MORC1: variants seen among roughly 807,000 people sequenced by gnomAD.
The protein encoded by MORC1 is MORC family CW-type zinc finger protein 1.
In MORC1, 59 loss-of-function variants were observed where a neutral mutation model predicts 134.9. The observed-to-expected ratio is 0.44, with a 90% CI of 0.35 to 0.54. The LOEUF is 0.54. Ranked by LOEUF, MORC1 falls within the 20% of genes least tolerant of loss-of-function variation. The pLI is 0.00. For synonymous variants in MORC1, 395 were observed against 391.7 expected, an observed-to-expected ratio of 1.01 and a Z score of -0.10; for missense variants, 947 against 1,134.5, an observed-to-expected ratio of 0.83 and a Z score of 2.37.
intron 26 of MORC1, among the ~76,000 whole-genome samples, chr3:108,968,493 C>T (rs375866301): frequency 2.6e-4 from 39 of 152,314 alleles, no homozygotes; most frequent in African/African-American, 9.4e-4. Flanking sequence ...TGGGAATTTA[C>T]TTCACCATTC....
intron 8 of MORC1, among the ~76,000 whole-genome samples, chr3:109,092,314 C>T (rs1293316635): frequency 3.3e-5 from 5 of 152,090 alleles, no homozygotes; most frequent in Non-Finnish European, 7.4e-5. Context: ...CATACAACAG[C>T]AATAAGGAGA....
intron 4 of MORC1, among the ~76,000 whole-genome samples, chr3:109,101,284 T>C (rs964683807): frequency 1.3e-5 from 2 of 152,192 alleles, no homozygotes; most frequent in Non-Finnish European, 2.9e-5. Context: ...ACCAGGCCCA[T>C]GTGAGACTAA....
chr3:109,061,738 C>T (rs779704790), intron 11 of MORC1, among the ~76,000 whole-genome samples: 2 of 152,118 alleles, frequency 1.3e-5, no homozygotes, highest in Non-Finnish European at 2.9e-5. Context: ...TGCTGTTCCC[C>T]ACCATTTCAA....
At chr3:109,074,289 C>T (rs910775932) in intron 8 of MORC1, among the ~76,000 whole-genome samples, 2 of 152,092 alleles carry the variant, frequency 1.3e-5, no homozygotes, top group Non-Finnish European at 2.9e-5. Flanking sequence ...GCATGGCATG[C>T]CTTTTTTACT....
chr3:109,027,141 T>TA (rs925647268), intron 17 of MORC1, among the ~76,000 whole-genome samples: 5 of 152,214 alleles, frequency 3.3e-5, no homozygotes, highest in African/African-American at 1.2e-4. Context: ...GCTTCACATT[T>TA]AAAAAATGAT....
intron 8 of MORC1, among the ~76,000 whole-genome samples, chr3:109,091,699 T>C (rs1007115569): frequency 1.3e-5 from 2 of 152,136 alleles, no homozygotes; most frequent in South Asian, 4.1e-4. Flanking sequence ...TCAGAAACTA[T>C]GAATCCTCTT....
At chr3:108,962,412 C>T (rs1411315154) in intron 27 of MORC1, among the ~76,000 whole-genome samples, 1 of 152,128 alleles carries the variant, frequency 6.6e-6, no homozygotes, top group Non-Finnish European at 1.5e-5. Flanking sequence ...GAAACCCAGG[C>T]AGCCTGGCTT....
chr3:109,104,866 A>AACACACACACAC (rs5851642), intron 3 of MORC1, among the ~76,000 whole-genome samples: 12 of 149,188 alleles, frequency 8.0e-5, no homozygotes, highest in African/African-American at 2.7e-4. Context: ...GACAAATTTT[A>AACACACACACAC]ACACACACAC....
At chr3:109,001,019 T>G (rs1442448250) in intron 20 of MORC1, among the ~76,000 whole-genome samples, 1 of 152,234 alleles carries the variant, frequency 6.6e-6, no homozygotes, top group Non-Finnish European at 1.5e-5. Context: ...AATTCATTTT[T>G]CAAGTGCTTA....
At chr3:109,028,677 T>C (rs1416461656) in intron 16 of MORC1, among the ~76,000 whole-genome samples, 4 of 152,152 alleles carry the variant, frequency 2.6e-5, no homozygotes, top group Non-Finnish European at 5.9e-5. Context: ...TTCCTTTTCT[T>C]ACTTTTGTTT....
At chr3:108,985,039 C>T (rs1947860009) in intron 22 of MORC1, among the ~76,000 whole-genome samples, 1 of 152,042 alleles carries the variant, frequency 6.6e-6, no homozygotes, top group Non-Finnish European at 1.5e-5. Flanking sequence ...TTTAAATGGA[C>T]ATTTTTTACC....
Position 109,005,220 on chromosome 3 carries a change from C to T in MORC1, c.1863G>A (p.Gln621=). The T allele has an allele frequency of 6.2e-7, 1 of 1,613,910 alleles. No individual in the cohort carries two copies. Among genetic ancestry groups the T allele is most frequent in the Non-Finnish European group, 8.5e-7 (1 of 1,179,960 alleles). Residue 621 remains glutamine (Q), a synonymous_variant, in exon 19 of 28, where the codon CAG becomes CAA. Transcript: ENST00000232603. The part of the protein sequence containing the change: ...SFELSASRRG[Q]KRNIEETDSD... ...AGTCTGTCTCTTCTATGTTTCTTTTCTGTCCTCTACGGCTCGCTGAAAGCT... is the reference window on the plus strand; with the variant it reads ...AGTCTGTCTCTTCTATGTTTCTTTTTTGTCCTCTACGGCTCGCTGAAAGCT...
At chr3:109,009,197 G>GTTTTTTTTTTTTTTTTTTT (rs201228015) in intron 17 of MORC1, among the ~76,000 whole-genome samples, 2 of 133,810 alleles carry the variant, frequency 1.5e-5, no homozygotes, top group Non-Finnish European at 3.3e-5. Flanking sequence ...CTATTTTTAC[G>GTTTTTTTTTTTTTTTTTTT]TTTTTTGTTG....
chr3:108,987,412 G>A lies in MORC1; in HGVS notation c.2188-463C>T, dbSNP rs576620133. ...AAACTTTGAAGAGTTTGGGGCTGGGGCCTGTAGTCCCAAAGCATAATAGAT... is the reference window on the plus strand; with the variant it reads ...AAACTTTGAAGAGTTTGGGGCTGGGACCTGTAGTCCCAAAGCATAATAGAT... On this transcript the variant is annotated intron_variant, in intron 21 of 27. Transcript: ENST00000232603. 2.6e-4 allele frequency among the ~76,000 whole-genome samples: 40 copies of A among 152,260 alleles called. 2 individuals are homozygous for A. The South Asian group carries it at 8.3e-3, about 32-fold the overall frequency.
chr3:109,077,772 A>G (rs1377749466), intron 8 of MORC1, among the ~76,000 whole-genome samples: 1 of 152,156 alleles, frequency 6.6e-6, no homozygotes, highest in Non-Finnish European at 1.5e-5. Context: ...AAGTCCAGCC[A>G]TAGCAGATGT....
chr3:109,097,355 G>A (rs1950848460), intron 6 of MORC1, among the ~76,000 whole-genome samples: 1 of 152,324 alleles, frequency 6.6e-6, no homozygotes, highest in East Asian at 1.9e-4. Context: ...ACCATTAAGT[G>A]TTAGGGTAGA....
At chr3:109,027,958 G>T (rs950278400) in intron 16 of MORC1, 69 bp from the exon 17 acceptor site, 8 of 1,490,598 alleles carry the variant, frequency 5.4e-6, no homozygotes, top group South Asian at 1.2e-5. Context: ...TGTAAAAGAC[G>T]ATTTACTTCT....
chr3:108,984,871 C>A (rs921750518), intron 22 of MORC1, 89 bp from the exon 23 acceptor site: 5 of 911,452 alleles, frequency 5.5e-6, no homozygotes, highest in African/African-American at 3.3e-5. Context: ...TTAACTACCT[C>A]TGTATAATAT....
At chr3:109,040,742 A>G (rs1036481650) in intron 14 of MORC1, among the ~76,000 whole-genome samples, 16 of 149,942 alleles carry the variant, frequency 1.1e-4, no homozygotes, top group African/African-American at 4.0e-4. Context: ...AGGCATGAGA[A>G]TCTCTTGAAA....
Sources: gnomAD v4.1 joint callset for allele counts (sites outside exome capture counted in the v4.1 genomes callset) on GRCh38, gnomAD v4.1.1 for gene constraint, MANE v1.5 for transcripts, NCBI Gene and HGNC (gene_info 2026-07-23, HGNC 2026-07-21) for gene names.